Variants in CHML observed in about 807,000 individuals in gnomAD.
CHML encodes the protein CHM like Rab escort protein, also known as rab proteins geranylgeranyltransferase component A 2.
A neutral mutation model predicts 30.4 loss-of-function variants in CHML; 20 were observed. That is an observed-to-expected ratio of 0.66 (90% CI 0.46 to 0.95). The LOEUF is 0.95. CHML is among the 40% of genes least tolerant of loss of function. The pLI is 0.00. For missense variants in CHML, 795 were observed against 768.5 expected, an observed-to-expected ratio of 1.03 and a Z score of -0.41; for synonymous variants, 281 against 275.0, an observed-to-expected ratio of 1.02 and a Z score of -0.22.
Position 241,635,465 on chromosome 1 carries a change from G to A in CHML, c.302C>T (p.Ala101Val). Reference protein sequence around the residue: ...KKDETIQHTEAFCYASQDMED... With the variant: ...KKDETIQHTEVFCYASQDMED... ...CATATCCTGACTGGCGTAGCAAAAA[G>A]CTTCTGTGTGTTGAATAGTTTCATC... The change falls in exon 2 of 2, where the codon GCT becomes GTT. Residue 101 changes from alanine to valine, a missense_variant. By Grantham distance (64) the Ala-to-Val change is moderately conservative. Coordinates refer to ENST00000366553, the MANE Select transcript of CHML (RefSeq NM_001381853.1). 6.2e-7 allele frequency: 1 copy of A among 1,613,812 alleles called. No individual in the cohort carries two copies.
At position 241,634,322 on chromosome 1, in the gene CHML, G is replaced by A. The variant is rs776835459; in HGVS notation, c.1445C>T (p.Ala482Val). ...QQTSILIVPP[A>V]EPGACAVRVT... ...CCGTACAGCACAAGCTCCTGGCTCTGCTGGAGGAACTATCAGAATGGAAGT... is the reference window on the plus strand; with the variant it reads ...CCGTACAGCACAAGCTCCTGGCTCTACTGGAGGAACTATCAGAATGGAAGT... The change falls in exon 2 of 2, where the codon GCA (alanine) becomes GTA (valine). Residue 482 changes from alanine to valine, a missense_variant. Ala to Val is a moderately conservative substitution (Grantham distance 64). Transcript: ENST00000366553. The A allele has an allele frequency of 2.9e-5, 47 of 1,613,880 alleles. No individual in the cohort carries two copies. In the Admixed American group the frequency reaches 7.7e-4, roughly 26 times the overall value.
rs550461531 is a variant in CHML at position 241,634,415 on chromosome 1, T to G, written c.1352A>C (p.Tyr451Ser). 6.2e-7 allele frequency: 1 copy of G among 1,613,904 alleles called. No homozygotes were observed. The highest frequency in any genetic ancestry group is 1.3e-5 in the African/African-American group (1 of 75,060). The change falls in exon 2 of 2, where the codon TAT (tyrosine) becomes TCT (serine). Residue 451 changes from tyrosine to serine, a missense_variant. Transcript: ENST00000366553. ...GAGTACTGCCCTAGAGATCTGCTTATACTGCACATTTGAGCATGTTTCCTC... is the reference window on the plus strand; with the variant it reads ...GAGTACTGCCCTAGAGATCTGCTTAGACTGCACATTTGAGCATGTTTCCTC... ...LSEETCSNVQ[Y>S]KQISRAVLIT...
chr1:241,634,881 T>A lies in CHML; in HGVS notation c.886A>T (p.Met296Leu), dbSNP rs1367577329. Residue 296 changes from methionine to leucine, a missense_variant, in exon 2 of 2, where the codon ATG (methionine) becomes TTG (leucine). By Grantham distance (15) the Met-to-Leu change is conservative. Transcript: ENST00000366553. ...SKELTMVEKR[M>L]LMKFLTFCLE... ...CAAAATGTGAGAAATTTCATTAGCA[T>A]CCTCTTTTCAACCATGGTGAGTTCC... 6.2e-7 allele frequency: 1 copy of A among 1,610,036 alleles called. No homozygotes were observed. The highest frequency in any genetic ancestry group is 8.5e-7 in the Non-Finnish European group (1 of 1,178,552).
Position 241,634,239 on chromosome 1 carries a change from A to G in CHML, c.1528T>C (p.Leu510=). The G allele has an allele frequency of 6.2e-7, 1 of 1,613,982 alleles. No homozygotes were observed. The highest frequency in any genetic ancestry group is 8.5e-7 in the Non-Finnish European group (1 of 1,179,900). The change falls in exon 2 of 2, where the codon TTG becomes CTG. Residue 510 remains leucine, a synonymous_variant. Coordinates refer to ENST00000366553, the MANE Select transcript of CHML (RefSeq NM_001381853.1). ...GCTGTTTTAGAAGATGAACATGTCAAATGTACCAGATAGGTGTCCTTCATG... is the reference window on the plus strand; with the variant it reads ...GCTGTTTTAGAAGATGAACATGTCAGATGTACCAGATAGGTGTCCTTCATG... ...TCMKDTYLVH[L]TCSSSKTARE... is the part of the protein sequence containing the mutation.
At chr1:241,638,883 T>C (rs573356069) in intron 1 of CHML, among the ~76,000 whole-genome samples, 1 of 152,312 alleles carries the variant, frequency 6.6e-6, no homozygotes, top group Admixed American at 6.5e-5. Flanking sequence ...CCTACCAAGA[T>C]TAAAGCAATA....
In CHML at chr1:241,634,683, T is replaced by A; in HGVS notation, c.1084A>T (p.Asn362Tyr). The A allele has an allele frequency of 6.2e-7, 1 of 1,613,932 alleles. No individual in the cohort carries two copies. The highest frequency in any genetic ancestry group is 8.5e-7 in the Non-Finnish European group (1 of 1,179,884). ...TTIDGLNATK[N>Y]FLQCLGRFGN... ...AACCGTCCGAGACACTGAAGGAAGT[T>A]TTTAGTTGCGTTAAGACCATCTATT... is the stretch of plus-strand genomic sequence containing the variant. Residue 362 changes from asparagine to tyrosine, a missense_variant, in exon 2 of 2, where the codon AAC (asparagine) becomes TAC (tyrosine). Transcript: ENST00000366553.
chr1:241,639,807 G>A lies in CHML; in HGVS notation c.-308+75C>T, dbSNP rs1001895354. Reference sequence around the variant, plus strand: ...GCGGTGCGGGGCGGGCTGGGGGGCGGACGCACGGAGCGGGCAGCGGGGTGG... The same window carrying A: ...GCGGTGCGGGGCGGGCTGGGGGGCGAACGCACGGAGCGGGCAGCGGGGTGG... On this transcript the variant is annotated intron_variant, in intron 1 of 1. Transcript: ENST00000366553. 9.7e-6 allele frequency: 13 copies of A among 1,337,316 alleles called. No individual in the cohort carries two copies. The African/African-American group carries it at 2.1e-4, about 21-fold the overall frequency. The allele number at this position is 1,337,316 out of a possible 1,614,324, so 82.8% of individuals were successfully genotyped here.
In CHML at chr1:241,632,611, A is replaced by G. The variant is rs1664688260; in HGVS notation, c.*1185T>C. On this transcript the variant is annotated 3_prime_UTR_variant, in exon 2 of 2. Transcript: ENST00000366553. The stretch of plus-strand genomic sequence containing the variant: ...CGTTGGGTGGCTCTGGGAGAAAAAA[A>G]GTTTCTATACTCTGGATAACAGCTA... 1.3e-5 allele frequency: 2 copies of G among 152,104 alleles called. No homozygotes were observed. Among genetic ancestry groups the G allele is most frequent in the Admixed American group, 6.6e-5 (1 of 15,264 alleles). The allele number at this position is 152,104 out of a possible 1,614,324, so 9.4% of individuals were successfully genotyped here. A position where few individuals can be genotyped will look rare whatever the true frequency, so the allele number is the denominator to read the frequency against.
chr1:241,635,580 G>A lies in CHML; in HGVS notation c.187C>T (p.Gln63Ter). The A allele has an allele frequency of 6.2e-7, 1 of 1,614,074 alleles. No individual in the cohort carries two copies. The highest frequency in any genetic ancestry group is 8.5e-7 in the Non-Finnish European group (1 of 1,179,964). ...SGLLSWLKEY[Q>*]QNNDIGEEST... ...TCTTCCCCAATGTCATTGTTTTGCT[G>A]ATACTCCTTCAACCAGGATAGCAAT... Residue 63 changes from glutamine to a stop codon, truncating the protein, a stop_gained, in exon 2 of 2, where the codon CAG becomes TAG. Coordinates refer to ENST00000366553, the MANE Select transcript of CHML (RefSeq NM_001381853.1). LOFTEE classifies it high-confidence loss of function.
chr1:241,635,083 C>A lies in CHML; in HGVS notation c.684G>T (p.Arg228Ser), dbSNP rs1429694552. ...GTTTTGACACCAAATCAATATTAAA[C>A]CTCCTGCCTTCTTTAACTATTTGAG... ...TYSQIVKEGR[R>S]FNIDLVSKLL... Residue 228 changes from arginine to serine, a missense_variant, in exon 2 of 2, where the codon AGG (arginine) becomes AGT (serine). Arg to Ser is a moderately radical substitution (Grantham distance 110). Coordinates refer to ENST00000366553, the MANE Select transcript of CHML (RefSeq NM_001381853.1). 3 of 1,612,792 alleles carry A rather than the reference C, an allele frequency of 1.9e-6. No individual in the cohort carries two copies. Among genetic ancestry groups the A allele is most frequent in the Non-Finnish European group, 2.5e-6 (3 of 1,179,800 alleles).
chr1:241,634,920 C>T lies in CHML; in HGVS notation c.847G>A (p.Val283Ile), dbSNP rs573865519. Residue 283 changes from valine to isoleucine, a missense_variant, in exon 2 of 2, where the codon GTC (valine) becomes ATC (isoleucine). Physicochemically the swap from Val to Ile is conservative, Grantham distance 29 (BLOSUM62 3). Coordinates refer to ENST00000366553, the MANE Select transcript of CHML (RefSeq NM_001381853.1). ...VEQVPCSRAD[V>I]FNSKELTMVE... ...ATGGTGAGTTCCTTGCTATTAAAGA[C>T]ATCTGCTCTGGAACAAGGAACTTGT... The T allele has an allele frequency of 6.2e-7, 1 of 1,611,846 alleles. No homozygotes were observed. Among genetic ancestry groups the T allele is most frequent in the African/African-American group, 1.3e-5 (1 of 74,916 alleles).
rs573529835 is a variant in CHML at position 241,629,535 on chromosome 1, G to C, written c.*4261C>G. 2.6e-5 allele frequency: 4 copies of C among 152,194 alleles called. No individual in the cohort carries two copies. The highest frequency in any genetic ancestry group is 4.1e-4 in the South Asian group (2 of 4,822). 9.4% of individuals were successfully genotyped at this position (152,194 alleles called of 1,614,324 possible). A position where few individuals can be genotyped will look rare whatever the true frequency, so the allele number is the denominator to read the frequency against. On this transcript the variant is annotated 3_prime_UTR_variant, in exon 2 of 2. Coordinates refer to ENST00000366553, the MANE Select transcript of CHML (RefSeq NM_001381853.1). ...ATGCATATAGTTTTACAAAAACTGA[G>C]TGCATCCATGTGTAATGCAAATAGC...
rs1052693020 is a variant in CHML, at chr1:241,633,674, A to C, written c.*122T>G. On this transcript the variant is annotated 3_prime_UTR_variant, in exon 2 of 2. Coordinates refer to ENST00000366553, the MANE Select transcript of CHML (RefSeq NM_001381853.1). ...TGAATGTCTGAGAGTTAAAGACAAC[A>C]TCTGCATAGCATTCATCATATATAA... 1.0e-6 allele frequency: 1 copy of C among 979,136 alleles called. No individual in the cohort carries two copies. The highest frequency in any genetic ancestry group is 1.5e-6 in the Non-Finnish European group (1 of 653,330). The allele number at this position is 979,136 out of a possible 1,614,324, so 60.7% of individuals were successfully genotyped here. A position where few individuals can be genotyped will look rare whatever the true frequency, so the allele number is the denominator to read the frequency against.
rs1665067504 is a variant in CHML at position 241,640,167 on chromosome 1, G to A, written c.-593C>T. ...GGGCTGAAGAGGGGCGCGGGGCTCA[G>A]TGTCCCCGCCGGCGCCGGCCCCTCA... On this transcript the variant is annotated 5_prime_UTR_variant, in exon 1 of 2. Coordinates refer to ENST00000366553, the MANE Select transcript of CHML (RefSeq NM_001381853.1). The A allele has an allele frequency of 1.4e-6, 2 of 1,461,796 alleles. No individual in the cohort carries two copies. The highest frequency in any genetic ancestry group is 1.4e-5 in the South Asian group (1 of 72,106). The allele number at this position is 1,461,796 out of a possible 1,614,324, so 90.6% of individuals were successfully genotyped here.
chr1:241,632,971 C>T lies in CHML; in HGVS notation c.*825G>A, dbSNP rs1664704175. 1 of 152,072 alleles carries T rather than the reference C, an allele frequency of 6.6e-6. No homozygotes were observed. The highest frequency in any genetic ancestry group is 2.1e-4 in the South Asian group (1 of 4,826). The allele number at this position is 152,072 out of a possible 1,614,324, so 9.4% of individuals were successfully genotyped here. On this transcript the variant is annotated 3_prime_UTR_variant, in exon 2 of 2. Coordinates refer to ENST00000366553, the MANE Select transcript of CHML (RefSeq NM_001381853.1). Reference sequence around the variant, plus strand: ...GGGGCACTTCATTTTTCCTTTTGGTCTAAGTTACTTATTGGAAGCTATTTT... The same window carrying T: ...GGGGCACTTCATTTTTCCTTTTGGTTTAAGTTACTTATTGGAAGCTATTTT...
rs1371946245 is a variant in CHML, at chr1:241,633,529, A to G, written c.*267T>C. ...GCTAATATGGAACCCTTACATATAT[A>G]CCCAATACTAAAATAAAGCTAACTC... is the stretch of plus-strand genomic sequence containing the variant. On this transcript the variant is annotated 3_prime_UTR_variant, in exon 2 of 2. Transcript: ENST00000366553. 1 of 438,654 alleles carries G rather than the reference A, an allele frequency of 2.3e-6. No homozygotes were observed. Among genetic ancestry groups the G allele is most frequent in the East Asian group, 4.7e-5 (1 of 21,264 alleles). 27.2% of individuals were successfully genotyped at this position (438,654 alleles called of 1,614,324 possible).
rs1664782707 is a variant in CHML at position 241,634,346 on chromosome 1, G to A, written c.1421C>T (p.Thr474Ile). ...SILKTDLDQQ[T>I]SILIVPPAEP... is the part of the protein sequence containing the mutation. ...TGCTGGAGGAACTATCAGAATGGAA[G>A]TCTGCTGATCTAAATCTGTCTTTAG... The change falls in exon 2 of 2, where the codon ACT (threonine) becomes ATT (isoleucine). Residue 474 changes from threonine to isoleucine, a missense_variant. By Grantham distance (89) the Thr-to-Ile change is moderately conservative. Coordinates refer to ENST00000366553, the MANE Select transcript of CHML (RefSeq NM_001381853.1). 6.2e-7 allele frequency: 1 copy of A among 1,613,994 alleles called. No individual in the cohort carries two copies. Among genetic ancestry groups the A allele is most frequent in the African/African-American group, 1.3e-5 (1 of 75,036 alleles).
Position 241,635,705 on chromosome 1 carries a change from G to C in CHML, c.62C>G (p.Ser21Cys). The C allele has an allele frequency of 6.2e-7, 1 of 1,613,994 alleles. No individual in the cohort carries two copies. The highest frequency in any genetic ancestry group is 8.5e-7 in the Non-Finnish European group (1 of 1,179,900). ...TCTTGAACATGCAGCTGCAAGGATG[G>C]ATTCGGGCAAACCTGTCCCTATTAT... ...VVIIGTGLPESILAAACSRSG... is the reference protein window; with the variant it reads ...VVIIGTGLPECILAAACSRSG... The change falls in exon 2 of 2, where the codon TCC becomes TGC. Residue 21 changes from serine (S) to cysteine (C), a missense_variant. Ser to Cys is a moderately radical substitution (Grantham distance 112). Transcript: ENST00000366553.
rs1664605156 is a variant in CHML, at chr1:241,630,850, G to A, written c.*2946C>T. 6.6e-6 allele frequency: 1 copy of A among 152,042 alleles called. No homozygotes were observed. Among genetic ancestry groups the A allele is most frequent in the Admixed American group, 6.6e-5 (1 of 15,256 alleles). 9.4% of individuals were successfully genotyped at this position (152,042 alleles called of 1,614,324 possible). On this transcript the variant is annotated 3_prime_UTR_variant, in exon 2 of 2. Coordinates refer to ENST00000366553, the MANE Select transcript of CHML (RefSeq NM_001381853.1). Reference sequence around the variant, plus strand: ...GGATTTTACTATTTGTTCTTTTGATGCTGATTTAATGGCTGTTCTGCTTAA... The same window carrying A: ...GGATTTTACTATTTGTTCTTTTGATACTGATTTAATGGCTGTTCTGCTTAA...
Sources: gnomAD v4.1 joint callset for allele counts (sites outside exome capture counted in the v4.1 genomes callset) on GRCh38, gnomAD v4.1.1 for gene constraint, MANE v1.5 for transcripts, NCBI Gene and HGNC (gene_info 2026-07-23, HGNC 2026-07-21) for gene names.